Variants in RUFY4 observed in about 807,000 individuals in gnomAD.
RUFY4 encodes the protein RUN and FYVE domain containing 4.
RUFY4 carries 73 observed loss-of-function variants against 69.0 expected under a neutral mutation model. The ratio of observed to expected loss-of-function variants is 1.06; its 90% CI spans 0.88 to 1.29. The LOEUF (loss-of-function observed/expected upper bound fraction) is 1.29, where lower values mean the gene tolerates loss of function less well. Ranked by LOEUF, RUFY4 falls within the 50% of genes most tolerant of loss-of-function variation. RUFY4 has a pLI of 0.00. For missense variants in RUFY4, 770 were observed against 705.6 expected, an observed-to-expected ratio of 1.09 and a Z score of -1.03; for synonymous variants, 287 against 271.8, an observed-to-expected ratio of 1.06 and a Z score of -0.55.
At chr2:218,046,139 A>G (rs1490396266) in intron 2 of RUFY4, among the ~76,000 whole-genome samples, 1 of 151,844 alleles carries the variant, frequency 6.6e-6, no homozygotes, top group Non-Finnish European at 1.5e-5. Flanking sequence ...ATGTATAGTG[A>G]TCAGATCAGG....
chr2:218,086,641 C>T (rs1689900401), intron 9 of RUFY4, among the ~76,000 whole-genome samples: 1 of 152,136 alleles, frequency 6.6e-6, no homozygotes, highest in Admixed American at 6.5e-5. Context: ...GAAAATTTGC[C>T]TCCCACATAG....
intron 8 of RUFY4, among the ~76,000 whole-genome samples, chr2:218,079,175 G>A (rs1348749129): frequency 6.6e-6 from 1 of 152,142 alleles, no homozygotes; most frequent in African/African-American, 2.4e-5. Context: ...GGCTTGATGT[G>A]CGTTTTAAAG....
chr2:218,055,349 C>G (rs1481539685), intron 2 of RUFY4, among the ~76,000 whole-genome samples: 1 of 151,306 alleles, frequency 6.6e-6, no homozygotes, highest in Non-Finnish European at 1.5e-5. Context: ...GAGCCAAGAT[C>G]GTGCCACTGC....
At chr2:218,054,033 G>A (rs900669723) in intron 2 of RUFY4, among the ~76,000 whole-genome samples, 2 of 152,200 alleles carry the variant, frequency 1.3e-5, no homozygotes, top group African/African-American at 4.8e-5. Flanking sequence ...AAAGTCTGAT[G>A]GTCCTGGTGT....
intron 2 of RUFY4, among the ~76,000 whole-genome samples, chr2:218,042,457 G>A (rs1466798213): frequency 6.6e-6 from 1 of 152,284 alleles, no homozygotes; most frequent in South Asian, 2.1e-4. Flanking sequence ...TTAATATTTC[G>A]AGCAAAGTAT....
chr2:218,058,337 A>G (rs1191256060), intron 2 of RUFY4, among the ~76,000 whole-genome samples: 2 of 152,240 alleles, frequency 1.3e-5, no homozygotes, highest in Non-Finnish European at 2.9e-5. Flanking sequence ...ACTTACGTTT[A>G]TAGCCTAAGG....
chr2:218,072,878 C>T (rs781607906), exon 4 of RUFY4: 1 of 1,530,488 alleles, frequency 6.5e-7, no homozygotes, highest in African/African-American at 1.4e-5. Flanking sequence ...GAACTCAGAG[C>T]TCACCAGGTG....
chr2:218,074,724 T>G (rs1372912989), intron 6 of RUFY4, among the ~76,000 whole-genome samples: 3 of 152,098 alleles, frequency 2.0e-5, no homozygotes, highest in African/African-American at 7.2e-5. Context: ...TCATTCCCAT[T>G]TTGCAGATGA....
chr2:218,089,664 C>T (rs1374214947), intron 10 of RUFY4: 2 of 702,814 alleles, frequency 2.8e-6, no homozygotes, highest in African/African-American at 1.7e-5. Flanking sequence ...AAGCTGCTCC[C>T]CCTCCTTCCT....
exon 1 of RUFY4, chr2:218,070,639 A>G: frequency 6.5e-7 from 1 of 1,537,562 alleles, no homozygotes; most frequent in African/African-American, 1.4e-5. Context: ...CAAGGTCACC[A>G]AAGACCTAAG....
At chr2:218,078,015 C>T (rs1277221585) in intron 8 of RUFY4, among the ~76,000 whole-genome samples, 1 of 152,180 alleles carries the variant, frequency 6.6e-6, no homozygotes, top group African/African-American at 2.4e-5. Flanking sequence ...CCACCTGTCA[C>T]TCATCATTCA....
chr2:218,051,568 TAAAAAAA>T (rs35465389), intron 2 of RUFY4, among the ~76,000 whole-genome samples: 1 of 114,892 alleles, frequency 8.7e-6, no homozygotes, highest in Non-Finnish European at 1.8e-5. Flanking sequence ...TCCAATATTT[TAAAAAAA>T]AAAAAAAAAA....
At chr2:218,054,800 CA>C (rs1412935082) in intron 2 of RUFY4, among the ~76,000 whole-genome samples, 1 of 152,140 alleles carries the variant, frequency 6.6e-6, no homozygotes, top group East Asian at 1.9e-4. Flanking sequence ...TGTAGTTTAA[CA>C]ACAATTTGGT....
Position 218,072,831 on chromosome 2 carries a change from G to T in RUFY4, c.332G>T (p.Arg111Leu), listed in dbSNP as rs551828867. The change falls in exon 4 of 11, where the codon CGT (arginine) becomes CTT (leucine). Residue 111 changes from arginine (R) to leucine (L), a missense_variant. By Grantham distance (102) the Arg-to-Leu change is moderately radical. Transcript: ENST00000344321. The stretch of plus-strand genomic sequence containing the variant: ...GCCTTCATCCGCTTCTGCCTGGCCC[G>T]TGGGCAGCTGGCTGAGGCCCTGCAG... 10 of 1,535,702 alleles carry T rather than the reference G, an allele frequency of 6.5e-6. No homozygotes were observed. Among genetic ancestry groups the T allele is most frequent in the Middle Eastern group, 3.3e-4 (2 of 5,986 alleles).
At chr2:218,072,796 G>A (rs1384806719) in exon 4 of RUFY4, 10 of 1,532,720 alleles carry the variant, frequency 6.5e-6, no homozygotes, top group Non-Finnish European at 8.7e-6. Context: ...CCCCTCTGGG[G>A]AAAGGCCGTG....
At chr2:218,089,635 G>A in intron 10 of RUFY4, 3 of 696,484 alleles carry the variant, frequency 4.3e-6, no homozygotes, top group Non-Finnish European at 7.8e-6. Flanking sequence ...TCATCTGGAA[G>A]GGAGCATCTG....
intron 3 of RUFY4, among the ~76,000 whole-genome samples, chr2:218,062,542 C>T (rs1373629997): frequency 6.6e-6 from 1 of 152,000 alleles, no homozygotes; most frequent in Non-Finnish European, 1.5e-5. Flanking sequence ...GAAACCCCAT[C>T]TCTACTAAAC....
At chr2:218,070,276 C>T (rs1252943208), upstream of RUFY4, 5 of 366,956 alleles carry the variant, frequency 1.4e-5, no homozygotes, top group Admixed American at 3.7e-5. Flanking sequence ...CTCCAATCCC[C>T]TGTTTCTCCT....
At chr2:218,040,116 A>C (rs58197566) in intron 2 of RUFY4, among the ~76,000 whole-genome samples, 3,149 of 152,292 alleles carry the variant, frequency 0.021, 130 homozygotes, top group African/African-American at 0.073. Flanking sequence ...AATGGAAATA[A>C]ATTCAAGAAA....
Sources: gnomAD v4.1 joint callset for allele counts (sites outside exome capture counted in the v4.1 genomes callset) on GRCh38, gnomAD v4.1.1 for gene constraint, MANE v1.5 for transcripts, NCBI Gene and HGNC (gene_info 2026-07-23, HGNC 2026-07-21) for gene names.